Variants in RHOJ observed in about 807,000 individuals in gnomAD.
RHOJ encodes rho-related GTP-binding protein RhoJ.
In RHOJ, 11 loss-of-function variants were observed where a neutral mutation model predicts 23.4. The observed-to-expected ratio is 0.47, with a 90% CI of 0.30 to 0.78. RHOJ has a LOEUF of 0.78. Among genes scored for constraint, RHOJ ranks in the 30% least tolerant of loss-of-function variants. The probability of loss-of-function intolerance (pLI) is 0.08; values close to 1 mark genes in which losing one functional copy is unlikely to be tolerated. For synonymous variants in RHOJ, 102 were observed against 102.7 expected (o/e 0.99, Z 0.04); for missense variants, 254 against 273.4 (o/e 0.93, Z 0.50).
chr14:63,280,501 C>T (rs547624439), intron 2 of RHOJ, among the ~76,000 whole-genome samples: 11 of 152,160 alleles, frequency 7.2e-5, no homozygotes, highest in Non-Finnish European at 1.3e-4. Context: ...ATATTGCATA[C>T]TGGAAATATG....
chr14:63,268,401 G>C (rs1324275885), intron 1 of RHOJ, among the ~76,000 whole-genome samples: 1 of 152,120 alleles, frequency 6.6e-6, no homozygotes, highest in Admixed American at 6.6e-5. Flanking sequence ...AAAGTAGTAA[G>C]CTACTGAGTT....
At chr14:63,227,342 G>A (rs530477178) in intron 1 of RHOJ, among the ~76,000 whole-genome samples, 2 of 152,270 alleles carry the variant, frequency 1.3e-5, no homozygotes, top group South Asian at 4.2e-4. Context: ...AGGAATATTG[G>A]TCTCATGAGG....
At chr14:63,247,506 G>C (rs764276654) in intron 1 of RHOJ, among the ~76,000 whole-genome samples, 5 of 152,032 alleles carry the variant, frequency 3.3e-5, no homozygotes, top group Non-Finnish European at 7.4e-5. Flanking sequence ...AATCTTAGAA[G>C]AAATGATGGA....
chr14:63,263,535 G>A (rs555976891), intron 1 of RHOJ, among the ~76,000 whole-genome samples: 4 of 152,106 alleles, frequency 2.6e-5, no homozygotes, highest in Admixed American at 6.5e-5. Flanking sequence ...TAAAAGGGCC[G>A]AGAAGAGGAA....
intron 1 of RHOJ, among the ~76,000 whole-genome samples, chr14:63,260,453 A>G (rs1022548192): frequency 6.6e-6 from 1 of 152,230 alleles, no homozygotes; most frequent in African/African-American, 2.4e-5. Flanking sequence ...ATAGAATTTA[A>G]GTGATGGGAG....
rs142860782 is a variant in RHOJ at position 63,270,162 on chromosome 14, G to A, written c.237+994G>A. Among the ~76,000 whole-genome samples, 3 of 139,650 alleles carry A rather than the reference G, an allele frequency of 2.1e-5. No individual in the cohort carries two copies. The East Asian group carries it at 6.3e-4, about 29-fold the overall frequency. 91.6% of individuals were successfully genotyped at this position (139,650 alleles called of 152,430 possible). On this transcript the variant is annotated intron_variant, in intron 2 of 4. Coordinates refer to ENST00000316754, the MANE Select transcript of RHOJ (RefSeq NM_020663.5). ...AATTGTTATTTGTAGCGATGCATTC[G>A]TCTAGGCCTTTTTTTTTTTTTTTTC...
Position 63,254,127 on chromosome 14 carries a change from C to A in RHOJ, c.179-14983C>A, listed in dbSNP as rs1022319948. ...ATGGCTGCCTTATGTCACACAGGAC[C>A]GGATCAGCATTGTCTCGGCTGTCAG... On this transcript the variant is annotated intron_variant, in intron 1 of 4. Coordinates refer to ENST00000316754, the MANE Select transcript of RHOJ (RefSeq NM_020663.5). Among the ~76,000 whole-genome samples the A allele has an allele frequency of 2.6e-5, 4 of 152,100 alleles. No individual in the cohort carries two copies. The East Asian group carries it at 7.7e-4, about 29-fold the overall frequency.
intron 1 of RHOJ, among the ~76,000 whole-genome samples, chr14:63,235,854 A>G: frequency 6.6e-6 from 1 of 152,252 alleles, no homozygotes; most frequent in East Asian, 1.9e-4. Context: ...AGAACTTATC[A>G]AAAGACTTGA....
At position 63,293,373 on chromosome 14, in the gene RHOJ, A is replaced by G. The variant is rs958170588; in HGVS notation, c.*2349A>G. Among the ~76,000 whole-genome samples, 6 of 152,192 alleles carry G rather than the reference A, an allele frequency of 3.9e-5. No homozygotes were observed. Among genetic ancestry groups the G allele is most frequent in the Admixed American group, 6.5e-5 (1 of 15,284 alleles). ...ACCACTTCCCTAATGGGCCACAGGAAGTAAGTTGATCTTGATGGGGAGATC... is the reference window on the plus strand; with the variant it reads ...ACCACTTCCCTAATGGGCCACAGGAGGTAAGTTGATCTTGATGGGGAGATC... On this transcript the variant is annotated 3_prime_UTR_variant, in exon 5 of 5. Coordinates refer to ENST00000316754, the MANE Select transcript of RHOJ (RefSeq NM_020663.5).
At chr14:63,275,857 T>C (rs747528054) in intron 2 of RHOJ, among the ~76,000 whole-genome samples, 1 of 152,086 alleles carries the variant, frequency 6.6e-6, no homozygotes, top group Admixed American at 6.5e-5. Context: ...CATGCTCCCT[T>C]GTGAAAAAAT....
chr14:63,214,684 G>A (rs1326879240), intron 1 of RHOJ, among the ~76,000 whole-genome samples: 1 of 152,168 alleles, frequency 6.6e-6, no homozygotes. Flanking sequence ...GAGGGCTGGT[G>A]CAGGGTGGGA....
intron 1 of RHOJ, among the ~76,000 whole-genome samples, chr14:63,223,325 G>GACTCTTCCTTAGTGTT (rs1447798269): frequency 5.3e-5 from 8 of 152,100 alleles, no homozygotes; most frequent in African/African-American, 1.9e-4. Context: ...CTTGACAGAT[G>GACTCTTCCTTAGTGTT]ACTCTTCCTT....
chr14:63,215,765 T>C (rs1221384435), intron 1 of RHOJ, among the ~76,000 whole-genome samples: 2 of 152,060 alleles, frequency 1.3e-5, no homozygotes. Context: ...TAATTTTCTT[T>C]GTTTATTTAA....
chr14:63,243,145 G>C (rs1894914247), intron 1 of RHOJ, among the ~76,000 whole-genome samples: 1 of 152,092 alleles, frequency 6.6e-6, no homozygotes, highest in South Asian at 2.1e-4. Flanking sequence ...TATACCTTCA[G>C]GTTCTCTCTA....
rs58916971 is a variant in RHOJ, at chr14:63,230,692, TACACACACAC to T, written c.178+25663_178+25672del. Among the ~76,000 whole-genome samples the T allele has an allele frequency of 6.0e-5, 9 of 148,842 alleles. No individual in the cohort carries two copies. The South Asian group carries it at 8.6e-4, about 14-fold the overall frequency. On this transcript the variant is annotated intron_variant, in intron 1 of 4. Transcript: ENST00000316754. ...ATCTAATACATTGCACACACATATGTACACACACACACACACACACACACACATACACACT... is the reference window on the plus strand; with the variant it reads ...ATCTAATACATTGCACACACATATGTACACACACACACACACATACACACT...
chr14:63,267,571 T>C (rs1895390307), intron 1 of RHOJ, among the ~76,000 whole-genome samples: 1 of 152,232 alleles, frequency 6.6e-6, no homozygotes, highest in South Asian at 2.1e-4. Context: ...GAACTGGTCA[T>C]TGAAGAAACC....
chr14:63,246,290 A>G (rs1894974754), intron 1 of RHOJ, among the ~76,000 whole-genome samples: 2 of 152,198 alleles, frequency 1.3e-5, no homozygotes, highest in African/African-American at 4.8e-5. Flanking sequence ...TTTCATGTAT[A>G]AGTAAACAGC....
At position 63,204,744 on chromosome 14, in the gene RHOJ, T is replaced by C; in HGVS notation, c.-126T>C. 1 of 908,452 alleles carries C rather than the reference T, an allele frequency of 1.1e-6. No homozygotes were observed. Among genetic ancestry groups the C allele is most frequent in the Non-Finnish European group, 1.7e-6 (1 of 582,904 alleles). 56.3% of individuals were successfully genotyped at this position (908,452 alleles called of 1,614,324 possible). ...CCCAGCCTCGGACATGTCTGTATGA[T>C]CCAAGGTACCCAAAGTCAGACAGAG... On this transcript the variant is annotated 5_prime_UTR_variant, in exon 1 of 5. Transcript: ENST00000316754.
At chr14:63,229,253 T>C (rs1894648153) in intron 1 of RHOJ, among the ~76,000 whole-genome samples, 1 of 152,230 alleles carries the variant, frequency 6.6e-6, no homozygotes. Context: ...AGGAGGAATG[T>C]TAGTTTGAAT....
Sources: allele counts gnomAD v4.1 joint callset (sites outside exome capture counted in the v4.1 genomes callset), GRCh38; gene constraint gnomAD v4.1.1; transcripts MANE v1.5; gene names NCBI Gene and HGNC (gene_info 2026-07-23, HGNC 2026-07-21).